Variants in GLI3 observed in about 807,000 individuals in gnomAD.
GLI3 encodes the protein GLI family zinc finger 3.
In GLI3, 20 loss-of-function variants were observed where a neutral mutation model predicts 100.8. That is an observed-to-expected ratio of 0.20 (90% CI 0.14 to 0.29). GLI3 has a LOEUF of 0.29. GLI3 is among the 10% of genes least tolerant of loss of function. The pLI is 1.00. For synonymous variants in GLI3, 938 were observed against 860.5 expected, an observed-to-expected ratio of 1.09 and a Z score of -1.58; for missense variants, 2,040 against 2,128.5, an observed-to-expected ratio of 0.96 and a Z score of 0.82.
At chr7:42,172,053 A>G (rs1787384435) in intron 2 of GLI3, among the ~76,000 whole-genome samples, 3 of 152,100 alleles carry the variant, frequency 2.0e-5, no homozygotes, top group Non-Finnish European at 4.4e-5. Context: ...GGTTTTGAAC[A>G]GAAAAGTATA....
intron 2 of GLI3, among the ~76,000 whole-genome samples, chr7:42,162,353 CT>C (rs1220313324): frequency 2.6e-5 from 4 of 152,232 alleles, no homozygotes; most frequent in African/African-American, 9.6e-5. Context: ...TACTCTGATA[CT>C]CTAAAATGTT....
upstream of GLI3, among the ~76,000 whole-genome samples, chr7:42,240,009 C>A (rs373706736): frequency 6.6e-6 from 1 of 151,958 alleles, no homozygotes; most frequent in African/African-American, 2.4e-5. Flanking sequence ...AGTGAGGTCT[C>A]GGAGCCCAAT....
At chr7:41,977,483 CGCCTTCCCATGT>C (rs1232547219) in intron 12 of GLI3, 63 bp downstream of exon 12, 3 of 1,447,404 alleles carry the variant, frequency 2.1e-6, no homozygotes, top group Non-Finnish European at 2.9e-6. Context: ...GAACACACTG[CGCCTTCCCATGT>C]GCCTTCCCCG....
chr7:42,263,456 T>A (rs201928368), intron 1 of GLI3, among the ~76,000 whole-genome samples: 6 of 151,458 alleles, frequency 4.0e-5, no homozygotes, highest in African/African-American at 1.2e-4. Context: ...TATTTATTTT[T>A]TTTTTTTGAA....
chr7:42,070,856 T>G (rs1210740370), intron 4 of GLI3, among the ~76,000 whole-genome samples: 4 of 152,182 alleles, frequency 2.6e-5, no homozygotes, highest in African/African-American at 9.7e-5. Flanking sequence ...TAAATAGCAC[T>G]CAGTCATATA....
chr7:42,041,360 T>C (rs1422635493), intron 6 of GLI3, among the ~76,000 whole-genome samples: 2 of 152,210 alleles, frequency 1.3e-5, no homozygotes, highest in African/African-American at 4.8e-5. Flanking sequence ...TGCATTCAAA[T>C]TTGGTAGATA....
chr7:42,103,616 G>C (rs890245463), intron 3 of GLI3, among the ~76,000 whole-genome samples: 2 of 152,122 alleles, frequency 1.3e-5, no homozygotes, highest in African/African-American at 4.8e-5. Flanking sequence ...ATTACACTTT[G>C]GCCAAGTGCT....
In GLI3 at chr7:41,965,178, C is replaced by T. The variant is rs1787127236; in HGVS notation, c.3895G>A (p.Val1299Ile). ...SGGQLNFGLP[V>I]APNESAGSMV... The stretch of plus-strand genomic sequence containing the variant: ...CTGCCAGCTGACTCATTTGGCGCTA[C>T]CGGCAGGCCGAAATTCAGCTGGCCC... The change falls in exon 15 of 15, where the codon GTA becomes ATA. Residue 1299 changes from valine (V) to isoleucine (I), a missense_variant. Physicochemically the swap from Val to Ile is conservative, Grantham distance 29. Coordinates refer to ENST00000395925, the MANE Select transcript of GLI3 (RefSeq NM_000168.6). The T allele has an allele frequency of 6.2e-7, 1 of 1,613,730 alleles. No homozygotes were observed. The highest frequency in any genetic ancestry group is 1.7e-5 in the Admixed American group (1 of 60,012).
At chr7:42,020,064 C>T (rs1255786015) in intron 10 of GLI3, among the ~76,000 whole-genome samples, 2 of 151,992 alleles carry the variant, frequency 1.3e-5, no homozygotes, top group South Asian at 4.1e-4. Context: ...AGAATAAACA[C>T]ATAATTGGTG....
chr7:42,249,864 T>C (rs143394528), intron 1 of GLI3, among the ~76,000 whole-genome samples: 215 of 152,010 alleles, frequency 1.4e-3, no homozygotes, highest in African/African-American at 4.7e-3. Flanking sequence ...GGAGGCTGAG[T>C]TGGGCGAATC....
At chr7:42,258,914 A>G (rs1325826353) in intron 1 of GLI3, among the ~76,000 whole-genome samples, 1 of 152,230 alleles carries the variant, frequency 6.6e-6, no homozygotes, top group African/African-American at 2.4e-5. Context: ...ATTGGCACAC[A>G]GAAAATGTGC....
At chr7:42,260,356 T>C (rs1789125847) in intron 1 of GLI3, among the ~76,000 whole-genome samples, 1 of 152,236 alleles carries the variant, frequency 6.6e-6, no homozygotes, top group Non-Finnish European at 1.5e-5. Context: ...AGTCCATTTA[T>C]TATTTTACGC....
intron 4 of GLI3, among the ~76,000 whole-genome samples, chr7:42,072,776 G>T (rs894543155): frequency 2.0e-5 from 3 of 152,340 alleles, no homozygotes; most frequent in African/African-American, 7.2e-5. Context: ...ATAAGAGTAT[G>T]TGTGTATAGA....
chr7:42,003,615 C>A (rs1175130441), intron 10 of GLI3, among the ~76,000 whole-genome samples: 1 of 152,174 alleles, frequency 6.6e-6, no homozygotes, highest in African/African-American at 2.4e-5. Context: ...ACCCGAGATT[C>A]TTCTGGAGAA....
chr7:42,041,449 T>C (rs1272537959), intron 6 of GLI3, among the ~76,000 whole-genome samples: 1 of 152,184 alleles, frequency 6.6e-6, no homozygotes, highest in Non-Finnish European at 1.5e-5. Context: ...CATATTTACA[T>C]TACAGAGTCA....
intron 1 of GLI3, among the ~76,000 whole-genome samples, chr7:42,225,919 G>A (rs372200225): frequency 3.3e-5 from 5 of 152,290 alleles, no homozygotes; most frequent in South Asian, 4.1e-4. Flanking sequence ...CTTAGTTCAC[G>A]TAAGAATGTT....
upstream of GLI3, among the ~76,000 whole-genome samples, chr7:42,239,477 A>G (rs1405072469): frequency 6.6e-6 from 1 of 152,208 alleles, no homozygotes; most frequent in African/African-American, 2.4e-5. Flanking sequence ...ATCAGTTACA[A>G]TTGTTTTTAG....
intron 3 of GLI3, chr7:42,145,638 A>T: frequency 2.5e-6 from 1 of 395,970 alleles, no homozygotes; most frequent in Non-Finnish European, 4.4e-6. Flanking sequence ...AAAAAAAAAC[A>T]GTCTACACTG....
chr7:42,040,258 A>G lies in GLI3; in HGVS notation c.827-19T>C. On this transcript the variant is annotated intron_variant, in intron 6 of 14. Coordinates refer to ENST00000395925, the MANE Select transcript of GLI3 (RefSeq NM_000168.6). The stretch of plus-strand genomic sequence containing the variant: ...CTGGTGCCTGTTATATAAACAAAAA[A>G]GAACCTAATTACCTGCAGTTGGACT... 1 of 1,575,550 alleles carries G rather than the reference A, an allele frequency of 6.3e-7. No individual in the cohort carries two copies. The highest frequency in any genetic ancestry group is 8.7e-7 in the Non-Finnish European group (1 of 1,145,192).
Sources: allele counts gnomAD v4.1 joint callset (sites outside exome capture counted in the v4.1 genomes callset), GRCh38; gene constraint gnomAD v4.1.1; transcripts MANE v1.5; gene names NCBI Gene and HGNC (gene_info 2026-07-23, HGNC 2026-07-21).